Variants in CTNNA2 observed in about 807,000 individuals in gnomAD.
CTNNA2 encodes catenin alpha 2.
Under a neutral mutation model 101.0 loss-of-function variants are expected in CTNNA2, and 42 were observed. The ratio of observed to expected loss-of-function variants is 0.42; its 90% CI spans 0.32 to 0.54. The LOEUF (loss-of-function observed/expected upper bound fraction) is 0.54. Ranked by LOEUF, CTNNA2 falls within the 20% of genes least tolerant of loss-of-function variation. The pLI is 0.14. For synonymous variants in CTNNA2, 450 were observed against 456.4 expected, an observed-to-expected ratio of 0.99 and a Z score of 0.18; for missense variants, 871 against 1,223.1, an observed-to-expected ratio of 0.71 and a Z score of 4.29.
chr2:79,698,712 G>T (rs1016794932), intron 2 of CTNNA2, among the ~76,000 whole-genome samples: 1 of 152,040 alleles, frequency 6.6e-6, no homozygotes, highest in Non-Finnish European at 1.5e-5. Context: ...ATACCAAAAG[G>T]GAATGTGTGT....
intron 1 of CTNNA2, among the ~76,000 whole-genome samples, chr2:79,607,204 T>C (rs927160813): frequency 1.3e-5 from 2 of 152,196 alleles, no homozygotes; most frequent in African/African-American, 2.4e-5. Flanking sequence ...CATAGTGATA[T>C]AGAGATCAGA....
At chr2:79,780,819 A>T (rs1263359269) in intron 3 of CTNNA2, among the ~76,000 whole-genome samples, 2 of 152,152 alleles carry the variant, frequency 1.3e-5, no homozygotes, top group Admixed American at 6.6e-5. Flanking sequence ...TTTGATTCAA[A>T]TTTTTCTTTG....
At chr2:80,076,961 G>A (rs1295551523) in intron 7 of CTNNA2, among the ~76,000 whole-genome samples, 131 of 152,186 alleles carry the variant, frequency 8.6e-4, no homozygotes, top group Non-Finnish European at 7.4e-5. Context: ...TAGGAGAATG[G>A]TGTGAACCCA....
At chr2:79,276,405 T>C (rs1159693528) in intron 2 of CTNNA2, among the ~76,000 whole-genome samples, 1 of 152,078 alleles carries the variant, frequency 6.6e-6, no homozygotes, top group Non-Finnish European at 1.5e-5. Flanking sequence ...TCTATTTCAA[T>C]GCAATTTCCT....
chr2:80,532,307 A>T (rs764883237), intron 9 of CTNNA2, among the ~76,000 whole-genome samples: 1 of 152,140 alleles, frequency 6.6e-6, no homozygotes, highest in African/African-American at 2.4e-5. Context: ...ATTGAGTGCC[A>T]TTCTGAATAG....
intron 2 of CTNNA2, among the ~76,000 whole-genome samples, chr2:79,295,352 T>C (rs1313827204): frequency 6.6e-6 from 1 of 152,168 alleles, no homozygotes; most frequent in African/African-American, 2.4e-5. Context: ...GTGGCTGCAC[T>C]AGATTTCTTG....
At chr2:79,454,963 G>A (rs1380239590) in intron 4 of CTNNA2, among the ~76,000 whole-genome samples, 1 of 152,162 alleles carries the variant, frequency 6.6e-6, no homozygotes, top group Non-Finnish European at 1.5e-5. Flanking sequence ...CAAAGACTGT[G>A]TTATGTCCAT....
intron 1 of CTNNA2, among the ~76,000 whole-genome samples, chr2:79,568,625 G>GA (rs1558737020): frequency 1.1e-4 from 17 of 151,664 alleles, no homozygotes; most frequent in African/African-American, 4.1e-4. Flanking sequence ...AAAAGAAAAG[G>GA]AAAGAAAAGA....
chr2:80,380,181 T>C (rs565203659), intron 7 of CTNNA2, among the ~76,000 whole-genome samples: 34 of 151,904 alleles, frequency 2.2e-4, no homozygotes, highest in African/African-American at 8.0e-4. Flanking sequence ...GGATTACAGG[T>C]GCCTGCCACC....
Position 80,202,730 on chromosome 2 carries a change from T to A in CTNNA2, c.1057-190481T>A, listed in dbSNP as rs1340457535. Among the ~76,000 whole-genome samples the A allele has an allele frequency of 2.2e-4, 32 of 144,780 alleles. No individual in the cohort carries two copies. In the South Asian group the frequency reaches 2.4e-3, roughly 11 times the overall value. 95.0% of individuals were successfully genotyped at this position (144,780 alleles called of 152,430 possible). ...CAAAGAACTTTGTTTCCAAGAGATT[T>A]AAAAAAAAAAAAGAAAAAGACAAAG... On this transcript the variant is annotated intron_variant, in intron 7 of 18. Transcript: ENST00000402739.
chr2:80,163,132 C>A, intron 7 of CTNNA2: 2 of 1,571,940 alleles, frequency 1.3e-6, no homozygotes. Flanking sequence ...GGAATTTCAC[C>A]TTTATTACTG....
intron 4 of CTNNA2, among the ~76,000 whole-genome samples, chr2:79,429,163 G>A (rs976792359): frequency 2.0e-5 from 3 of 152,052 alleles, no homozygotes; most frequent in Non-Finnish European, 2.9e-5. Flanking sequence ...AGACATCAAA[G>A]AATATTTCAT....
chr2:80,103,433 C>A (rs192312314), intron 7 of CTNNA2, among the ~76,000 whole-genome samples: 20 of 152,260 alleles, frequency 1.3e-4, no homozygotes, highest in Admixed American at 1.3e-3. Context: ...CCCGTATTAC[C>A]TTTTTATAAG....
At chr2:79,340,404 A>T (rs1314119320) in intron 3 of CTNNA2, among the ~76,000 whole-genome samples, 1 of 152,226 alleles carries the variant, frequency 6.6e-6, no homozygotes, top group Non-Finnish European at 1.5e-5. Flanking sequence ...CCTCTCAGGC[A>T]GTTGGCAGGT....
rs186673744 is a variant in CTNNA2 at position 79,815,303 on chromosome 2, T to C, written c.299-42710T>C. Among the ~76,000 whole-genome samples, 154 of 152,330 alleles carry C rather than the reference T, an allele frequency of 1.0e-3. 1 individual carries two copies. Among genetic ancestry groups the C allele is most frequent in the Non-Finnish European group, 1.7e-3 (118 of 68,028 alleles). ...AGTCGCAACTATTTATCTTTGTTTTTATTGCATTTGCTTTTGGGTTCCTGA... is the reference window on the plus strand; with the variant it reads ...AGTCGCAACTATTTATCTTTGTTTTCATTGCATTTGCTTTTGGGTTCCTGA... On this transcript the variant is annotated intron_variant, in intron 3 of 18. Coordinates refer to ENST00000402739, the MANE Select transcript of CTNNA2 (RefSeq NM_001282597.3).
intron 3 of CTNNA2, among the ~76,000 whole-genome samples, chr2:79,354,455 C>G (rs767025189): frequency 2.0e-5 from 3 of 152,094 alleles, no homozygotes; most frequent in Admixed American, 1.3e-4. Flanking sequence ...CTTTTCTCAG[C>G]TTGGTGTATT....
At chr2:79,829,003 A>G (rs1469736552) in intron 3 of CTNNA2, among the ~76,000 whole-genome samples, 1 of 152,134 alleles carries the variant, frequency 6.6e-6, no homozygotes, top group Non-Finnish European at 1.5e-5. Context: ...TCCTTGGTGG[A>G]CTTATTGATG....
chr2:79,789,169 G>C (rs1212572996), intron 3 of CTNNA2, among the ~76,000 whole-genome samples: 1 of 152,198 alleles, frequency 6.6e-6, no homozygotes, highest in African/African-American at 2.4e-5. Flanking sequence ...CTAGTCACGA[G>C]TCAAACCTGT....
chr2:79,277,096 G>C (rs979457314), intron 2 of CTNNA2, among the ~76,000 whole-genome samples: 2 of 152,068 alleles, frequency 1.3e-5, no homozygotes, highest in African/African-American at 2.4e-5. Flanking sequence ...CTCAGCAAAA[G>C]ATAAAGAGCA....
Sources: gnomAD v4.1 joint callset for allele counts (sites outside exome capture counted in the v4.1 genomes callset) on GRCh38, gnomAD v4.1.1 for gene constraint, MANE v1.5 for transcripts, NCBI Gene and HGNC (gene_info 2026-07-23, HGNC 2026-07-21) for gene names.